NPY2R: variants seen among roughly 807,000 people sequenced by gnomAD.
NPY2R encodes the protein neuropeptide Y receptor type 2.
In NPY2R, 17 loss-of-function variants were observed where a neutral mutation model predicts 22.3. That is an observed-to-expected ratio of 0.76 (90% CI 0.52 to 1.14). The LOEUF is 1.14. Ranked by LOEUF, NPY2R falls within the 50% of genes most tolerant of loss-of-function variation. NPY2R has a pLI of 0.00. For missense variants in NPY2R, 424 were observed against 467.9 expected (o/e 0.91, Z 0.87); for synonymous variants, 209 against 183.4 (o/e 1.14, Z -1.13).
the NPY2R span, among the ~76,000 whole-genome samples, chr4:155,182,661 A>C: frequency 6.6e-6 from 1 of 152,190 alleles, no homozygotes. Flanking sequence ...TTATTTTAAA[A>C]TAATAGATTT....
chr4:155,188,498 A>T, the NPY2R span, among the ~76,000 whole-genome samples: 2 of 152,132 alleles, frequency 1.3e-5, no homozygotes, highest in Non-Finnish European at 2.9e-5. Flanking sequence ...CATCTTGAGT[A>T]TGGACACCAT....
the NPY2R span, among the ~76,000 whole-genome samples, chr4:155,181,137 G>T: frequency 8.5e-5 from 13 of 152,178 alleles, no homozygotes; most frequent in Non-Finnish European, 1.6e-4. Context: ...TAGGGTAATT[G>T]TAAGCTCTTC....
At chr4:155,180,597 T>A in the NPY2R span, among the ~76,000 whole-genome samples, 2 of 152,250 alleles carry the variant, frequency 1.3e-5, no homozygotes, top group East Asian at 3.9e-4. Context: ...TCCTTCTGAC[T>A]ATTTTTTTCT....
Position 155,214,675 on chromosome 4 carries a change from T to G in NPY2R, c.736T>G (p.Leu246Val). ...SFSYTRIWSK[L>V]KNHVSPGAAN... Reference sequence around the variant, plus strand: ...TTCCTACACTCGCATTTGGAGTAAATTGAAGAACCATGTCAGTCCTGGAGC... The same window carrying G: ...TTCCTACACTCGCATTTGGAGTAAAGTGAAGAACCATGTCAGTCCTGGAGC... Residue 246 changes from leucine to valine, a missense_variant, in exon 2 of 2, where the codon TTG becomes GTG. Physicochemically the swap from Leu to Val is conservative, Grantham distance 32. Transcript: ENST00000329476. 1.2e-6 allele frequency: 2 copies of G among 1,614,222 alleles called. No individual in the cohort carries two copies. Among genetic ancestry groups the G allele is most frequent in the Non-Finnish European group, 1.7e-6 (2 of 1,180,038 alleles).
chr4:155,190,716 G>A, the NPY2R span, among the ~76,000 whole-genome samples: 4 of 151,840 alleles, frequency 2.6e-5, no homozygotes, highest in African/African-American at 9.7e-5. Context: ...AATATCAATA[G>A]TAATTTACCT....
chr4:155,201,552 G>C, the NPY2R span, among the ~76,000 whole-genome samples: 1 of 152,062 alleles, frequency 6.6e-6, no homozygotes, highest in Non-Finnish European at 1.5e-5. Context: ...TAAAATAACT[G>C]TTTTAAGCCA....
the NPY2R span, among the ~76,000 whole-genome samples, chr4:155,180,559 T>C: frequency 6.6e-6 from 1 of 152,274 alleles, no homozygotes; most frequent in East Asian, 1.9e-4. Context: ...TGTGATTCTG[T>C]TATTTTGTGA....
chr4:155,202,755 A>T, the NPY2R span, among the ~76,000 whole-genome samples: 21 of 152,222 alleles, frequency 1.4e-4, no homozygotes, highest in Non-Finnish European at 2.6e-4. Flanking sequence ...TACTCTTTTT[A>T]AAAAAATTAA....
chr4:155,210,635 T>G (rs56054763), intron 1 of NPY2R, among the ~76,000 whole-genome samples: 3,953 of 152,216 alleles, frequency 0.026, 175 homozygotes, highest in African/African-American at 0.091. Flanking sequence ...CAGATTTCTC[T>G]AATTACTAAG....
the NPY2R span, among the ~76,000 whole-genome samples, chr4:155,193,011 A>G: frequency 6.6e-6 from 1 of 151,924 alleles, no homozygotes; most frequent in Non-Finnish European, 1.5e-5. Flanking sequence ...TTTTAAAAAA[A>G]TCTGGTGTTT....
the NPY2R span, among the ~76,000 whole-genome samples, chr4:155,183,115 CT>C: frequency 6.6e-6 from 1 of 152,124 alleles, no homozygotes; most frequent in Admixed American, 6.6e-5. Context: ...TTTTATTAAT[CT>C]GTTAAACCAT....
chr4:155,183,931 T>C, the NPY2R span, among the ~76,000 whole-genome samples: 69 of 152,314 alleles, frequency 4.5e-4, 1 homozygote, highest in Non-Finnish European at 9.4e-4. Context: ...TACTTCACAG[T>C]GAAAATGACA....
At chr4:155,198,468 T>A in the NPY2R span, among the ~76,000 whole-genome samples, 1 of 144,916 alleles carries the variant, frequency 6.9e-6, no homozygotes, top group Non-Finnish European at 1.5e-5. Flanking sequence ...TAAAATTAAG[T>A]AATATGCCTA....
Position 155,214,055 on chromosome 4 carries a change from A to C in NPY2R, c.116A>C (p.Glu39Ala). The change falls in exon 2 of 2, where the codon GAG becomes GCG. Residue 39 changes from glutamate to alanine, a missense_variant. Coordinates refer to ENST00000329476, the MANE Select transcript of NPY2R (RefSeq NM_000910.4). ...GAACTGGTCCCTGACCCTGAGCCAGAGCTTATAGATAGTACCAAGCTGATT... is the reference window on the plus strand; with the variant it reads ...GAACTGGTCCCTGACCCTGAGCCAGCGCTTATAGATAGTACCAAGCTGATT... ...RGELVPDPEPELIDSTKLIEV... is the reference protein window; with the variant it reads ...RGELVPDPEPALIDSTKLIEV... 6.2e-7 allele frequency: 1 copy of C among 1,613,970 alleles called. No individual in the cohort carries two copies. Among genetic ancestry groups the C allele is most frequent in the Non-Finnish European group, 8.5e-7 (1 of 1,179,888 alleles).
intron 1 of NPY2R, among the ~76,000 whole-genome samples, chr4:155,211,377 G>A (rs1304146160): frequency 1.3e-5 from 2 of 152,142 alleles, no homozygotes; most frequent in East Asian, 3.9e-4. Flanking sequence ...AACGGGGAGG[G>A]CAGAGAGGCA....
chr4:155,175,503 T>A, the NPY2R span, among the ~76,000 whole-genome samples: 1 of 152,174 alleles, frequency 6.6e-6, no homozygotes, highest in Non-Finnish European at 1.5e-5. Flanking sequence ...GTCCTGTTTT[T>A]CTTGGTGTTG....
the NPY2R span, among the ~76,000 whole-genome samples, chr4:155,195,148 T>G: frequency 6.6e-6 from 1 of 152,010 alleles, no homozygotes; most frequent in Non-Finnish European, 1.5e-5. Context: ...ACATTGAATC[T>G]GTATGAGCAA....
At chr4:155,185,389 CAT>C in the NPY2R span, among the ~76,000 whole-genome samples, 2 of 152,084 alleles carry the variant, frequency 1.3e-5, no homozygotes, top group African/African-American at 4.8e-5. Context: ...AACATAAAGA[CAT>C]ATTATGATAG....
chr4:155,209,070 G>A lies in NPY2R; in HGVS notation c.-49+1G>A. ...CCGCAAAAACGCGAGGTCCAGGTCA[G>A]TAAGTGTAATTCCTAACTCTGATCA... On this transcript the variant is annotated splice_donor_variant, in intron 1 of 1. Coordinates refer to ENST00000329476, the MANE Select transcript of NPY2R (RefSeq NM_000910.4). LOFTEE classifies it low-confidence loss of function (5UTR_SPLICE). 1 of 152,432 alleles carries A rather than the reference G, an allele frequency of 6.6e-6. No homozygotes were observed. The highest frequency in any genetic ancestry group is 1.5e-5 in the Non-Finnish European group (1 of 68,102). The allele number at this position is 152,432 out of a possible 1,614,324, so 9.4% of individuals were successfully genotyped here.
Sources: gnomAD v4.1 joint callset for allele counts (sites outside exome capture counted in the v4.1 genomes callset) on GRCh38, gnomAD v4.1.1 for gene constraint, MANE v1.5 for transcripts, NCBI Gene and HGNC (gene_info 2026-07-23, HGNC 2026-07-21) for gene names.